The following CCDC138 variants were observed in gnomAD, a reference collection of about 807,000 sequenced individuals.
CCDC138 encodes coiled-coil domain containing 138, also known as coiled-coil domain-containing protein 138.
In CCDC138, 66 loss-of-function variants were observed where a neutral mutation model predicts 82.3. The ratio of observed to expected loss-of-function variants is 0.80; its 90% CI spans 0.66 to 0.98. The LOEUF (loss-of-function observed/expected upper bound fraction) is 0.98, where lower values mean the gene tolerates loss of function less well. Ranked by LOEUF, CCDC138 falls within the 50% of genes least tolerant of loss-of-function variation. CCDC138 has a pLI of 0.00. For missense variants in CCDC138, 816 were observed against 758.9 expected (o/e 1.08, Z -0.88); for synonymous variants, 297 against 265.4 (o/e 1.12, Z -1.16).
At chr2:108,867,244 AGAGGTG>A (rs1470408250) in intron 13 of CCDC138, among the ~76,000 whole-genome samples, 1 of 152,178 alleles carries the variant, frequency 6.6e-6, no homozygotes, top group Non-Finnish European at 1.5e-5. Context: ...TAGAAGAAGA[AGAGGTG>A]GACACAAGAG....
chr2:108,827,520 A>C (rs1330926543), intron 10 of CCDC138, among the ~76,000 whole-genome samples: 1 of 152,214 alleles, frequency 6.6e-6, no homozygotes, highest in Admixed American at 6.5e-5. Flanking sequence ...TAAATGTAAC[A>C]ATAAAAATGA....
chr2:108,866,194 G>A (rs1172246673), intron 13 of CCDC138, among the ~76,000 whole-genome samples: 1 of 152,190 alleles, frequency 6.6e-6, no homozygotes, highest in African/African-American at 2.4e-5. Context: ...TTGGAAGAAG[G>A]AAGGTCCAGG....
At chr2:108,851,271 C>G (rs141836080) in intron 12 of CCDC138, among the ~76,000 whole-genome samples, 2 of 152,032 alleles carry the variant, frequency 1.3e-5, no homozygotes, top group East Asian at 3.9e-4. Flanking sequence ...CTCTCTGAAC[C>G]CATTTCTCTG....
chr2:108,863,948 AC>A (rs958273423), intron 13 of CCDC138, among the ~76,000 whole-genome samples: 32 of 152,220 alleles, frequency 2.1e-4, no homozygotes, highest in African/African-American at 7.7e-4. Context: ...ATTAAAAGTT[AC>A]ATAATCACTT....
intron 3 of CCDC138, 151 bp from the exon 4 acceptor site, chr2:108,791,523 GT>G: frequency 1.2e-6 from 1 of 864,910 alleles, no homozygotes; most frequent in Non-Finnish European, 1.9e-6. Flanking sequence ...TAGTTTTTAC[GT>G]TTTTTCTTTT....
intron 2 of CCDC138, chr2:108,884,149 T>G (rs943622059): frequency 1.3e-5 from 2 of 152,728 alleles, no homozygotes; most frequent in Admixed American, 1.3e-4. Context: ...GTGATCCTTC[T>G]GCCTCGGCTT....
intron 12 of CCDC138, among the ~76,000 whole-genome samples, chr2:108,848,215 CAT>C (rs1377182129): frequency 1.3e-5 from 2 of 152,038 alleles, no homozygotes; most frequent in African/African-American, 2.4e-5. Context: ...CATTTAATAA[CAT>C]GTAATGTTCA....
At chr2:108,852,919 C>T (rs569059389) in intron 12 of CCDC138, among the ~76,000 whole-genome samples, 3 of 152,100 alleles carry the variant, frequency 2.0e-5, no homozygotes, top group Non-Finnish European at 4.4e-5. Flanking sequence ...CCAACCATTA[C>T]AGAAGTAAAA....
chr2:108,870,456 C>T (rs955724122), intron 13 of CCDC138, among the ~76,000 whole-genome samples: 1 of 152,052 alleles, frequency 6.6e-6, no homozygotes, highest in Admixed American at 6.6e-5. Flanking sequence ...GAAATAATAG[C>T]TGAAAACTTA....
At chr2:108,800,334 G>A (rs1225767332) in intron 6 of CCDC138, among the ~76,000 whole-genome samples, 1 of 151,972 alleles carries the variant, frequency 6.6e-6, no homozygotes, top group Non-Finnish European at 1.5e-5. Flanking sequence ...GCACGATCTC[G>A]GCTCACTACA....
chr2:108,811,262 T>TTTTTTTTTTTTTTTTTTTTTTC (rs1683821654), intron 7 of CCDC138, among the ~76,000 whole-genome samples: 1 of 145,954 alleles, frequency 6.9e-6, no homozygotes, highest in Admixed American at 6.9e-5. Context: ...TTTTTTTTTT[T>TTTTTTTTTTTTTTTTTTTTTTC]GACTGTCTCC....
At chr2:108,870,511 A>G (rs562395416) in intron 13 of CCDC138, among the ~76,000 whole-genome samples, 1 of 152,352 alleles carries the variant, frequency 6.6e-6, no homozygotes, top group African/African-American at 2.4e-5. Flanking sequence ...AAGAAACTCA[A>G]GGAATCCACA....
chr2:108,811,320 A>G (rs557491175), intron 7 of CCDC138, among the ~76,000 whole-genome samples: 1 of 138,574 alleles, frequency 7.2e-6, no homozygotes, highest in Admixed American at 8.1e-5. Context: ...GGCTTACTAC[A>G]TGTAGCCTTA....
downstream of CCDC138, among the ~76,000 whole-genome samples, chr2:108,880,944 G>A (rs1358557487): frequency 1.3e-5 from 2 of 152,278 alleles, no homozygotes; most frequent in Middle Eastern, 3.4e-3. Context: ...TATAATTCAT[G>A]AGAGAAGTTC....
intron 10 of CCDC138, among the ~76,000 whole-genome samples, chr2:108,823,640 C>G (rs1172197176): frequency 6.6e-6 from 1 of 152,170 alleles, no homozygotes; most frequent in South Asian, 2.1e-4. Context: ...ATTTGGGTAT[C>G]TAAACATAGA....
chr2:108,871,856 C>G (rs1012513589), intron 13 of CCDC138, among the ~76,000 whole-genome samples: 1 of 152,154 alleles, frequency 6.6e-6, no homozygotes, highest in Admixed American at 6.5e-5. Flanking sequence ...TGTTTTGTGA[C>G]TACCATTTCC....
At chr2:108,838,816 T>C (rs748721061) in intron 10 of CCDC138, among the ~76,000 whole-genome samples, 1 of 152,090 alleles carries the variant, frequency 6.6e-6, no homozygotes, top group Non-Finnish European at 1.5e-5. Flanking sequence ...ATTTGCTTCC[T>C]TGTAAACACC....
At chr2:108,811,163 C>G (rs1474468151) in intron 7 of CCDC138, among the ~76,000 whole-genome samples, 3 of 150,386 alleles carry the variant, frequency 2.0e-5, no homozygotes, top group East Asian at 1.9e-4. Context: ...TCCCTACCCC[C>G]CTAACCCTGC....
chr2:108,849,367 T>C lies in CCDC138; in HGVS notation c.1516+2437T>C, dbSNP rs555876478. Among the ~76,000 whole-genome samples the C allele has an allele frequency of 3.3e-5, 5 of 152,346 alleles. No homozygotes were observed. In the East Asian group the frequency reaches 9.6e-4, roughly 29 times the overall value. On this transcript the variant is annotated intron_variant, in intron 12 of 14. Coordinates refer to ENST00000295124, the MANE Select transcript of CCDC138 (RefSeq NM_144978.3). ...CACAAATCCAAGGAGCATGTCCAGC[T>C]GAGCTCATGGTCACTCCTATTCCCT...
Sources: allele counts gnomAD v4.1 joint callset (sites outside exome capture counted in the v4.1 genomes callset), GRCh38; gene constraint gnomAD v4.1.1; transcripts MANE v1.5; gene names NCBI Gene and HGNC (gene_info 2026-07-23, HGNC 2026-07-21).